ANKRD55: variants seen among roughly 807,000 people sequenced by gnomAD.
ANKRD55 encodes ankyrin repeat domain 55, also known as ankyrin repeat domain-containing protein 55.
Under a neutral mutation model 60.6 loss-of-function variants are expected in ANKRD55, and 41 were observed. The observed-to-expected ratio is 0.68, with a 90% CI of 0.53 to 0.88. ANKRD55 has a LOEUF of 0.88. Ranked by LOEUF, ANKRD55 falls within the 40% of genes least tolerant of loss-of-function variation. ANKRD55 has a pLI of 0.00. For synonymous variants in ANKRD55, 264 were observed against 290.3 expected (o/e 0.91, Z 0.92); for missense variants, 732 against 767.6 (o/e 0.95, Z 0.55).
chr5:56,206,088 A>T (rs1259522086), intron 2 of ANKRD55, among the ~76,000 whole-genome samples: 4 of 148,496 alleles, frequency 2.7e-5, no homozygotes, highest in Admixed American at 1.3e-4. Context: ...TGACCCTCCT[A>T]CCTCAGCCTC....
rs538799985 is a variant in ANKRD55, at chr5:56,218,466, C to G, written c.58+14390G>C. Among the ~76,000 whole-genome samples, 2 of 152,280 alleles carry G rather than the reference C, an allele frequency of 1.3e-5. 1 individual carries two copies. The highest frequency in any genetic ancestry group is 4.1e-4 in the South Asian group (2 of 4,820). On this transcript the variant is annotated intron_variant, in intron 2 of 11. Transcript: ENST00000341048. The stretch of plus-strand genomic sequence containing the variant: ...CAGTCGGCAGCCATCAACATCGAGG[C>G]AAGACCCTCTACCAGCAAAAAGATG...
intron 7 of ANKRD55, among the ~76,000 whole-genome samples, chr5:56,131,569 G>A (rs148646355): frequency 2.0e-5 from 3 of 151,938 alleles, no homozygotes; most frequent in African/African-American, 7.3e-5. Flanking sequence ...GCTGAGGCAG[G>A]TGGATCACCT....
chr5:56,138,253 G>A (rs143464172), intron 7 of ANKRD55, among the ~76,000 whole-genome samples: 2,139 of 149,886 alleles, frequency 0.014, 42 homozygotes, highest in Admixed American at 0.042. Flanking sequence ...TCAGCCTCCC[G>A]AGCAGCTGGG....
Position 56,159,839 on chromosome 5 carries a change from G to A in ANKRD55, c.477C>T (p.Asp159=), listed in dbSNP as rs767823896. ...GCTTGAGAGTGTGGCTCACCTCATT[G>A]TCCTGGTGATTAATCTCGCTGATGT... is the stretch of plus-strand genomic sequence containing the variant. ...QSNISEINHQ[D]NEGMTPLHWA... The change falls in exon 6 of 12, where the codon GAC becomes GAT. Residue 159 remains aspartate, a synonymous_variant. Coordinates refer to ENST00000341048, the MANE Select transcript of ANKRD55 (RefSeq NM_024669.3). 1.2e-6 allele frequency: 2 copies of A among 1,613,924 alleles called. No individual in the cohort carries two copies. The highest frequency in any genetic ancestry group is 3.3e-5 in the Admixed American group (2 of 60,012).
At chr5:56,128,800 G>A (rs1561260902) in intron 7 of ANKRD55, among the ~76,000 whole-genome samples, 1 of 152,128 alleles carries the variant, frequency 6.6e-6, no homozygotes, top group Admixed American at 6.5e-5. Context: ...CCTCTGTCAC[G>A]GCTGAGAATG....
intron 9 of ANKRD55, among the ~76,000 whole-genome samples, chr5:56,116,253 G>T (rs139527333): frequency 1.4e-4 from 22 of 152,030 alleles, no homozygotes; most frequent in Admixed American, 8.5e-4. Context: ...AGTGTAAAAG[G>T]GTCCCGAGAA....
At position 56,135,274 on chromosome 5, in the gene ANKRD55, CCCTCCCTG is replaced by C. The variant is rs761486954; in HGVS notation, c.613-8176_613-8169del. Reference sequence around the variant, plus strand: ...TCCTTCCTTCCTTCTTTCCCTCCCTCCCTCCCTGCCTGCCTGCTTGCTTTCTTTCTTTC... The same window carrying C: ...TCCTTCCTTCCTTCTTTCCCTCCCTCCCTGCCTGCTTGCTTTCTTTCTTTC... On this transcript the variant is annotated intron_variant, in intron 7 of 11. Coordinates refer to ENST00000341048, the MANE Select transcript of ANKRD55 (RefSeq NM_024669.3). Among the ~76,000 whole-genome samples the C allele has an allele frequency of 5.5e-3, 539 of 97,348 alleles. 31 individuals are homozygous for C. The highest frequency in any genetic ancestry group is 0.019 in the African/African-American group (429 of 22,038). The allele number at this position is 97,348 out of a possible 152,430, so 63.9% of individuals were successfully genotyped here.
At chr5:56,212,563 T>G (rs958048465) in intron 2 of ANKRD55, among the ~76,000 whole-genome samples, 1 of 152,248 alleles carries the variant, frequency 6.6e-6, no homozygotes, top group East Asian at 1.9e-4. Flanking sequence ...GGCACTGTCC[T>G]AACAATTTTA....
intron 3 of ANKRD55, among the ~76,000 whole-genome samples, chr5:56,177,634 G>C (rs1758764136): frequency 6.6e-6 from 1 of 152,042 alleles, no homozygotes; most frequent in South Asian, 2.1e-4. Context: ...AATTAGCCGG[G>C]CATGGTGGCA....
At chr5:56,120,309 G>A (rs1757005215) in intron 8 of ANKRD55, among the ~76,000 whole-genome samples, 1 of 152,100 alleles carries the variant, frequency 6.6e-6, no homozygotes, top group African/African-American at 2.4e-5. Flanking sequence ...TTACAGGCGT[G>A]AGCCACCGCA....
At chr5:56,232,793 T>G (rs566345065) in intron 2 of ANKRD55, 63 bp downstream of exon 2, 57 of 1,511,962 alleles carry the variant, frequency 3.8e-5, no homozygotes, top group Non-Finnish European at 5.2e-5. Flanking sequence ...CTTACAACTG[T>G]AAATCCATAC....
At chr5:56,164,100 A>G (rs1029967146) in intron 5 of ANKRD55, among the ~76,000 whole-genome samples, 1 of 152,174 alleles carries the variant, frequency 6.6e-6, no homozygotes, top group Admixed American at 6.5e-5. Context: ...TCTCAAAACA[A>G]ACAAAAAACA....
chr5:56,208,988 C>G (rs1015241445), intron 2 of ANKRD55, among the ~76,000 whole-genome samples: 1 of 151,508 alleles, frequency 6.6e-6, no homozygotes, highest in Non-Finnish European at 1.5e-5. Context: ...GTCAGAGTCT[C>G]GCTCTGTCAC....
chr5:56,195,513 G>A (rs1327862201), intron 2 of ANKRD55, among the ~76,000 whole-genome samples: 15 of 152,062 alleles, frequency 9.9e-5, no homozygotes, highest in East Asian at 3.9e-4. Context: ...TCGCGATCTC[G>A]GCTCACTGCA....
chr5:56,211,648 C>T (rs1339039378), intron 2 of ANKRD55, among the ~76,000 whole-genome samples: 1 of 152,162 alleles, frequency 6.6e-6, no homozygotes, highest in Non-Finnish European at 1.5e-5. Context: ...CTTGTGACCT[C>T]TTTTTGGTGC....
At chr5:56,172,578 A>AT (rs11404516) in intron 4 of ANKRD55, among the ~76,000 whole-genome samples, 33,797 of 150,450 alleles carry the variant, frequency 0.22, 6,989 homozygotes, top group African/African-American at 0.55. Flanking sequence ...TGGTTTTCTG[A>AT]TTTTTTTTTT....
At chr5:56,102,317 G>C (rs1424302092) in intron 11 of ANKRD55, among the ~76,000 whole-genome samples, 177 bp downstream of exon 11, 1 of 152,088 alleles carries the variant, frequency 6.6e-6, no homozygotes, top group Non-Finnish European at 1.5e-5. Flanking sequence ...TTGAACCTGG[G>C]AGGTGGAGGT....
chr5:56,146,198 A>G (rs1281593744), intron 6 of ANKRD55, among the ~76,000 whole-genome samples: 1 of 152,118 alleles, frequency 6.6e-6, no homozygotes, highest in African/African-American at 2.4e-5. Flanking sequence ...TGCCAGTCTG[A>G]ATTCCTAGAT....
intron 6 of ANKRD55, among the ~76,000 whole-genome samples, chr5:56,159,038 G>C (rs556904278): frequency 6.6e-6 from 1 of 151,230 alleles, no homozygotes; most frequent in Non-Finnish European, 1.5e-5. Context: ...CAGAGAGGGG[G>C]GTCTCACTTT....
Sources: gnomAD v4.1 joint callset for allele counts (sites outside exome capture counted in the v4.1 genomes callset) on GRCh38, gnomAD v4.1.1 for gene constraint, MANE v1.5 for transcripts, NCBI Gene and HGNC (gene_info 2026-07-23, HGNC 2026-07-21) for gene names.